The following SPINK9 variants were observed in gnomAD, a reference collection of about 807,000 sequenced individuals.
The protein encoded by SPINK9 is serine peptidase inhibitor Kazal type 9.
Under a neutral mutation model 10.8 loss-of-function variants are expected in SPINK9, and 3 were observed. The ratio of observed to expected loss-of-function variants is 0.28; its 90% CI spans 0.13 to 0.72. The LOEUF (loss-of-function observed/expected upper bound fraction) is 0.72. Ranked by LOEUF, SPINK9 falls within the 30% of genes least tolerant of loss-of-function variation. SPINK9 has a pLI of 0.74. For missense variants in SPINK9, 101 were observed against 103.2 expected (o/e 0.98, Z 0.09); for synonymous variants, 30 against 31.2 (o/e 0.96, Z 0.12).
At chr5:148,324,694 A>G (rs1250718679) in intron 2 of SPINK9, among the ~76,000 whole-genome samples, 1 of 151,544 alleles carries the variant, frequency 6.6e-6, no homozygotes, top group Non-Finnish European at 1.5e-5. Flanking sequence ...ATGATAATGC[A>G]TGATCCTGAA....
At chr5:148,325,619 C>T (rs769662364) in intron 2 of SPINK9, among the ~76,000 whole-genome samples, 1 of 151,926 alleles carries the variant, frequency 6.6e-6, no homozygotes, top group African/African-American at 2.4e-5. Context: ...TATTATTGAA[C>T]TGTAATTTTT....
chr5:148,324,250 A>G (rs1757030953), intron 2 of SPINK9, among the ~76,000 whole-genome samples: 1 of 152,184 alleles, frequency 6.6e-6, no homozygotes, highest in South Asian at 2.1e-4. Flanking sequence ...GGAACATACA[A>G]AGATTATACA....
chr5:148,328,000 G>C (rs1267933403), intron 2 of SPINK9, among the ~76,000 whole-genome samples: 1 of 150,884 alleles, frequency 6.6e-6, no homozygotes, highest in Non-Finnish European at 1.5e-5. Context: ...CTCTTTTTTG[G>C]TTCCATATGA....
intron 1 of SPINK9, among the ~76,000 whole-genome samples, chr5:148,322,366 A>G (rs150502651): frequency 7.2e-5 from 11 of 152,324 alleles, no homozygotes; most frequent in African/African-American, 2.6e-4. Flanking sequence ...TATCAATGGA[A>G]CAATGATATA....
At chr5:148,329,412 C>G (rs190500322) in intron 2 of SPINK9, among the ~76,000 whole-genome samples, 1 of 151,978 alleles carries the variant, frequency 6.6e-6, no homozygotes, top group African/African-American at 2.4e-5. Context: ...CTTTATTAGT[C>G]TTGCTAGCCG....
upstream of SPINK9, among the ~76,000 whole-genome samples, chr5:148,334,502 G>A (rs1757190023): frequency 6.6e-6 from 1 of 152,132 alleles, no homozygotes; most frequent in African/African-American, 2.4e-5. Context: ...CTTGAGGTCA[G>A]GAGTTCAAGA....
At chr5:148,325,315 G>GT (rs1757044965) in intron 2 of SPINK9, among the ~76,000 whole-genome samples, 2 of 152,146 alleles carry the variant, frequency 1.3e-5, no homozygotes, top group East Asian at 3.9e-4. Context: ...GTAATTCTAT[G>GT]TTTAACTTTT....
At chr5:148,323,824 A>C (rs770217103) in exon 2 of SPINK9, 5 of 701,660 alleles carry the variant, frequency 7.1e-6, no homozygotes, top group Non-Finnish European at 1.3e-5. Flanking sequence ...GAACACAATG[A>C]ACCCAGGAGA....
chr5:148,327,537 T>C (rs1184940562), intron 2 of SPINK9, among the ~76,000 whole-genome samples: 3 of 151,748 alleles, frequency 2.0e-5, no homozygotes, highest in African/African-American at 4.9e-5. Flanking sequence ...ATTTTGGCTT[T>C]TGTTGCCATT....
intron 1 of SPINK9, 36 bp downstream of exon 1, chr5:148,335,704 ACTAATAGCT>A: frequency 6.2e-7 from 1 of 1,605,182 alleles, no homozygotes; most frequent in Non-Finnish European, 8.5e-7. Flanking sequence ...CTGCCCTTGT[ACTAATAGCT>A]CATGCAGTCT....
intron 1 of SPINK9, 110 bp downstream of exon 1, chr5:148,335,778 A>C (rs1259364670): frequency 1.5e-6 from 2 of 1,302,178 alleles, no homozygotes; most frequent in East Asian, 2.4e-5. Flanking sequence ...AATAAGGGAA[A>C]CTTTTTAAAA....
At chr5:148,327,987 G>A (rs1362372707) in intron 2 of SPINK9, among the ~76,000 whole-genome samples, 48 of 150,734 alleles carry the variant, frequency 3.2e-4, no homozygotes, top group Non-Finnish European at 5.2e-4. Flanking sequence ...TTGGCAATGC[G>A]GGCTCTTTTT....
chr5:148,333,077 T>C (rs1029757193), upstream of SPINK9, among the ~76,000 whole-genome samples: 1 of 152,192 alleles, frequency 6.6e-6, no homozygotes, highest in African/African-American at 2.4e-5. Flanking sequence ...TGGGAACTTC[T>C]CATCTGGACT....
intron 1 of SPINK9, among the ~76,000 whole-genome samples, chr5:148,322,645 G>A (rs994876201): frequency 6.6e-6 from 1 of 152,122 alleles, no homozygotes; most frequent in South Asian, 2.1e-4. Flanking sequence ...GACCTAGTAC[G>A]TATATCTATA....
At chr5:148,327,283 GT>G (rs970137581) in intron 2 of SPINK9, among the ~76,000 whole-genome samples, 2 of 152,104 alleles carry the variant, frequency 1.3e-5, no homozygotes, top group South Asian at 2.1e-4. Flanking sequence ...TTTTTCATGT[GT>G]TTTTTGGCCG....
intron 1 of SPINK9, 149 bp from the exon 2 acceptor site, chr5:148,336,273 C>T: frequency 1.3e-6 from 1 of 789,072 alleles, no homozygotes; most frequent in Middle Eastern, 2.8e-4. Flanking sequence ...AGAGCTTCAA[C>T]CTTTGATACA....
At chr5:148,337,009 G>A (rs979921214) in intron 2 of SPINK9, among the ~76,000 whole-genome samples, 2 of 152,004 alleles carry the variant, frequency 1.3e-5, no homozygotes, top group African/African-American at 2.4e-5. Context: ...GTGACACTGG[G>A]GCCTGGGAAA....
At chr5:148,335,211 A>T (rs1191402102), upstream of SPINK9, among the ~76,000 whole-genome samples, 2 of 152,194 alleles carry the variant, frequency 1.3e-5, no homozygotes, top group African/African-American at 4.8e-5. Flanking sequence ...AAGAATTCAA[A>T]TGACTCATGG....
At chr5:148,332,080 T>A (rs960297449), upstream of SPINK9, among the ~76,000 whole-genome samples, 1 of 152,222 alleles carries the variant, frequency 6.6e-6, no homozygotes, top group Non-Finnish European at 1.5e-5. Flanking sequence ...AAAGAGTACA[T>A]ATGAAGTTCT....
Sources: allele counts gnomAD v4.1 joint callset (sites outside exome capture counted in the v4.1 genomes callset), GRCh38; gene constraint gnomAD v4.1.1; transcripts MANE v1.5; gene names NCBI Gene and HGNC (gene_info 2026-07-23, HGNC 2026-07-21).